TMEM114: variants seen among roughly 807,000 people sequenced by gnomAD.
The protein encoded by TMEM114 is transmembrane protein 114.
A neutral mutation model predicts 6.2 loss-of-function variants in TMEM114; 6 were observed. The ratio of observed to expected loss-of-function variants is 0.97; its 90% confidence interval spans 0.53 to 1.91. The LOEUF (loss-of-function observed/expected upper bound fraction) is 1.91. Among genes scored for constraint, TMEM114 ranks in the 40% most tolerant of loss-of-function variants. The pLI is 0.01. For missense variants in TMEM114, 218 were observed against 158.3 expected (o/e 1.38, Z -2.02); for synonymous variants, 104 against 73.0 (o/e 1.42, Z -2.16).
the TMEM114 span, among the ~76,000 whole-genome samples, chr16:8,527,523 G>A: frequency 2.1e-5 from 3 of 145,040 alleles, no homozygotes; most frequent in African/African-American, 7.8e-5. Context: ...ACCCAAGCAA[G>A]ATTTCTAGTC....
chr16:8,532,343 C>A, the TMEM114 span, among the ~76,000 whole-genome samples: 1 of 152,110 alleles, frequency 6.6e-6, no homozygotes, highest in East Asian at 1.9e-4. Context: ...CTCTCTGGGA[C>A]TTATAAATAG....
the TMEM114 span, among the ~76,000 whole-genome samples, chr16:8,527,853 C>T: frequency 1.3e-5 from 2 of 152,134 alleles, no homozygotes; most frequent in Non-Finnish European, 2.9e-5. Context: ...GTTATTATTT[C>T]CCCCTCCTCA....
At chr16:8,582,890 C>G (rs578069691) in intron 2 of TMEM114, among the ~76,000 whole-genome samples, 12 of 150,896 alleles carry the variant, frequency 8.0e-5, no homozygotes, top group African/African-American at 2.9e-4. Flanking sequence ...CAGAGTGAGA[C>G]AAGAAAAGAG....
intron 2 of TMEM114, among the ~76,000 whole-genome samples, chr16:8,548,878 C>T (rs1900755690): frequency 6.6e-6 from 1 of 152,000 alleles, no homozygotes; most frequent in Non-Finnish European, 1.5e-5. Flanking sequence ...CCAGTTGTTG[C>T]CTGGGTTAAG....
chr16:8,569,407 C>T, downstream of TMEM114: 1 of 1,063,518 alleles, frequency 9.4e-7, no homozygotes, highest in Non-Finnish European at 1.1e-6. Flanking sequence ...CTCCCTTTCC[C>T]AGACCCACCA....
chr16:8,567,226 T>G (rs1901576581), downstream of TMEM114, among the ~76,000 whole-genome samples: 1 of 152,056 alleles, frequency 6.6e-6, no homozygotes, highest in Non-Finnish European at 1.5e-5. Flanking sequence ...CCTGTTTTGT[T>G]TTCTTCATAA....
chr16:8,554,070 G>A (rs1279171565), intron 2 of TMEM114, among the ~76,000 whole-genome samples: 3 of 151,902 alleles, frequency 2.0e-5, no homozygotes, highest in Non-Finnish European at 4.4e-5. Flanking sequence ...GTAGAGACAG[G>A]GTTTCACCAT....
chr16:8,564,537 GTGAATGAGTCAGGGAA>G (rs1901452218), downstream of TMEM114, among the ~76,000 whole-genome samples: 1 of 104,254 alleles, frequency 9.6e-6, no homozygotes, highest in Admixed American at 9.4e-5. Context: ...GAGGGAATGA[GTGAATGAGTCAGGGAA>G]TGAGTGAGTG....
rs1902343983 is a variant in TMEM114, at chr16:8,587,080, AT to A, written c.301+2132del. 9.2e-5 allele frequency among the ~76,000 whole-genome samples: 14 copies of A among 151,902 alleles called. No individual in the cohort carries two copies. The South Asian group carries it at 2.9e-3, about 32-fold the overall frequency. ...TCTTGAAATTGGCCATGGTGGAAGTATTTGCACCACAGAAATAGGCAAATGC... is the reference window on the plus strand; with the variant it reads ...TCTTGAAATTGGCCATGGTGGAAGTATTGCACCACAGAAATAGGCAAATGC... On this transcript the variant is annotated intron_variant, in intron 2 of 3. Coordinates refer to ENST00000620492, the MANE Select transcript of TMEM114 (RefSeq NM_001146336.2).
intron 2 of TMEM114, among the ~76,000 whole-genome samples, chr16:8,579,091 G>A (rs1902044186): frequency 6.6e-6 from 1 of 152,124 alleles, no homozygotes; most frequent in Non-Finnish European, 1.5e-5. Flanking sequence ...ACAAGTCAAG[G>A]GAAAAGCAAC....
chr16:8,547,464 C>T (rs1230641427), intron 2 of TMEM114, among the ~76,000 whole-genome samples: 3 of 151,146 alleles, frequency 2.0e-5, no homozygotes, highest in Non-Finnish European at 4.4e-5. Flanking sequence ...GCAATTTCAG[C>T]TCACTACAAC....
intron 2 of TMEM114, among the ~76,000 whole-genome samples, chr16:8,562,554 G>GAATGAGTGAGGAAATAAGTA (rs1901287008): frequency 3.5e-5 from 3 of 85,090 alleles, no homozygotes; most frequent in Non-Finnish European, 7.9e-5. Flanking sequence ...ATGAGTGAGT[G>GAATGAGTGAGGAAATAAGTA]CGTCAATGAG....
chr16:8,546,856 C>T (rs529116870), intron 2 of TMEM114, among the ~76,000 whole-genome samples: 1 of 152,336 alleles, frequency 6.6e-6, no homozygotes, highest in South Asian at 2.1e-4. Flanking sequence ...GCAAGTGATG[C>T]TGGCTGACTC....
intron 2 of TMEM114, among the ~76,000 whole-genome samples, chr16:8,561,609 A>G (rs1275378185): frequency 6.6e-6 from 1 of 152,262 alleles, no homozygotes; most frequent in East Asian, 1.9e-4. Context: ...GAGCATATGA[A>G]TGAGTAAGTG....
intron 2 of TMEM114, among the ~76,000 whole-genome samples, chr16:8,542,142 T>G (rs572011082): frequency 1.0e-3 from 154 of 150,236 alleles, no homozygotes; most frequent in African/African-American, 3.7e-3. Context: ...GGATGATTCG[T>G]GGGGGGGGGT....
At chr16:8,583,213 T>C (rs982101690) in intron 2 of TMEM114, among the ~76,000 whole-genome samples, 3 of 152,162 alleles carry the variant, frequency 2.0e-5, no homozygotes, top group African/African-American at 7.2e-5. Flanking sequence ...GCTGGCCCAG[T>C]ACTGGGGATG....
intron 2 of TMEM114, among the ~76,000 whole-genome samples, chr16:8,582,751 A>G (rs915498100): frequency 1.3e-5 from 2 of 152,152 alleles, no homozygotes; most frequent in African/African-American, 4.8e-5. Context: ...TGATCTGGGC[A>G]TGGTGGTGCA....
chr16:8,583,410 T>C (rs1374770556), intron 2 of TMEM114, among the ~76,000 whole-genome samples: 1 of 152,114 alleles, frequency 6.6e-6, no homozygotes, highest in Non-Finnish European at 1.5e-5. Flanking sequence ...TCTCATTTCA[T>C]CTTAGAACAG....
At chr16:8,533,800 A>G (rs1900282394), downstream of TMEM114, among the ~76,000 whole-genome samples, 1 of 152,236 alleles carries the variant, frequency 6.6e-6, no homozygotes, top group African/African-American at 2.4e-5. Context: ...CTCTTTCAGC[A>G]GGAACTTTGG....
Sources: gnomAD v4.1 joint callset for allele counts (sites outside exome capture counted in the v4.1 genomes callset) on GRCh38, gnomAD v4.1.1 for gene constraint, MANE v1.5 for transcripts, NCBI Gene and HGNC (gene_info 2026-07-23, HGNC 2026-07-21) for gene names.